TTLL11: variants seen among roughly 807,000 people sequenced by gnomAD.
TTLL11 encodes tubulin tyrosine ligase like 11, also known as tubulin polyglutamylase TTLL11.
TTLL11 carries 42 observed loss-of-function variants against 51.7 expected under a neutral mutation model. That is an observed-to-expected ratio of 0.81 (90% CI 0.64 to 1.05). TTLL11 has a LOEUF of 1.05. Ranked by LOEUF, TTLL11 falls within the 50% of genes least tolerant of loss-of-function variation. TTLL11 has a pLI of 0.00. For missense variants in TTLL11, 799 were observed against 940.4 expected, an observed-to-expected ratio of 0.85 and a Z score of 1.97; for synonymous variants, 381 against 383.5, an observed-to-expected ratio of 0.99 and a Z score of 0.08.
chr9:121,886,552 A>AG (rs1226243448), intron 6 of TTLL11, among the ~76,000 whole-genome samples: 1 of 152,160 alleles, frequency 6.6e-6, no homozygotes, highest in Non-Finnish European at 1.5e-5. Flanking sequence ...AGAGCTTTGG[A>AG]GGGGGCATGG....
Position 122,093,065 on chromosome 9 carries a change from AGCTTTGGCCGCC to A in TTLL11, c.72_83del (p.Ala25_Ala28del), listed in dbSNP as rs1300181622. The A allele has an allele frequency of 1.4e-5, 18 of 1,276,814 alleles. 1 individual carries two copies. In the East Asian group the frequency reaches 2.2e-4, roughly 15 times the overall value. 79.1% of individuals were successfully genotyped at this position (1,276,814 alleles called of 1,614,324 possible). On this transcript the variant is annotated inframe_deletion, in exon 1 of 9. Transcript: ENST00000321582. ...CCGTCTCCGCTGTGGCCTCGGCCTC[AGCTTTGGCCGCC>A]GCTTTGGCCGCAGCCACCGCCTCCG...
chr9:121,939,906 G>C (rs1456904513), intron 6 of TTLL11, among the ~76,000 whole-genome samples: 1 of 152,144 alleles, frequency 6.6e-6, no homozygotes, highest in African/African-American at 2.4e-5. Context: ...AGAGGATGAA[G>C]GCAGCAGAAG....
rs148943367 is a variant in TTLL11, at chr9:121,854,602, G to A, written c.1840+5735C>T. ...TGCCCAGCTCAAATGTTACCTTTGC[G>A]AGTAAAATGTTTGTCTCTCACAGCT... is the stretch of plus-strand genomic sequence containing the variant. On this transcript the variant is annotated intron_variant, in intron 8 of 8. Coordinates refer to ENST00000321582, the MANE Select transcript of TTLL11 (RefSeq NM_001139442.2). Among the ~76,000 whole-genome samples the A allele has an allele frequency of 3.1e-3, 477 of 152,274 alleles. 3 individuals are homozygous for A. The highest frequency in any genetic ancestry group is 0.011 in the African/African-American group (438 of 41,560).
At chr9:121,911,203 C>T (rs1840102882) in intron 6 of TTLL11, among the ~76,000 whole-genome samples, 1 of 152,138 alleles carries the variant, frequency 6.6e-6, no homozygotes, top group Non-Finnish European at 1.5e-5. Flanking sequence ...CGAGACCAGC[C>T]TGGCCAACAC....
Position 122,092,659 on chromosome 9 carries a change from C to A in TTLL11, c.462+28G>T, listed in dbSNP as rs547611124. ...GTCGTCCTGTCCACCCCACTGTGCC[C>A]ACGCGGCCGGGTCGGGCCGGGCCTC... On this transcript the variant is annotated intron_variant, in intron 1 of 8. Coordinates refer to ENST00000321582, the MANE Select transcript of TTLL11 (RefSeq NM_001139442.2). The A allele has an allele frequency of 2.0e-6, 3 of 1,535,946 alleles. No individual in the cohort carries two copies. In the East Asian group the frequency reaches 7.3e-5, roughly 38 times the overall value.
chr9:121,871,163 T>C (rs1838343451), intron 6 of TTLL11, among the ~76,000 whole-genome samples: 1 of 151,800 alleles, frequency 6.6e-6, no homozygotes, highest in Non-Finnish European at 1.5e-5. Context: ...ACGAACAATT[T>C]GCAAAGATGC....
At position 122,015,890 on chromosome 9, in the gene TTLL11, C is replaced by T. The variant is rs184580868; in HGVS notation, c.693+15833G>A. Reference sequence around the variant, plus strand: ...TCAATTTGGCAAATATATTTGAGTTCCTACTGTGTGCCAGGCACTGTGATA... The same window carrying T: ...TCAATTTGGCAAATATATTTGAGTTTCTACTGTGTGCCAGGCACTGTGATA... On this transcript the variant is annotated intron_variant, in intron 3 of 8. Coordinates refer to ENST00000321582, the MANE Select transcript of TTLL11 (RefSeq NM_001139442.2). 4.0e-5 allele frequency among the ~76,000 whole-genome samples: 6 copies of T among 151,694 alleles called. No homozygotes were observed. In the East Asian group the frequency reaches 1.2e-3, roughly 29 times the overall value.
chr9:122,041,064 T>A (rs754178472), intron 1 of TTLL11, among the ~76,000 whole-genome samples: 1 of 152,184 alleles, frequency 6.6e-6, no homozygotes, highest in Non-Finnish European at 1.5e-5. Flanking sequence ...GACTCTTATC[T>A]CCTTTTTCAT....
At chr9:121,972,420 C>CT (rs931351214) in intron 6 of TTLL11, among the ~76,000 whole-genome samples, 4 of 152,336 alleles carry the variant, frequency 2.6e-5, no homozygotes, top group African/African-American at 7.2e-5. Context: ...CATTATTTGG[C>CT]TGCCATCGGG....
chr9:121,993,666 T>C (rs1047029186), intron 3 of TTLL11, among the ~76,000 whole-genome samples: 14 of 152,248 alleles, frequency 9.2e-5, no homozygotes, highest in Non-Finnish European at 1.2e-4. Context: ...GGAGGAGATT[T>C]GGGTCTGAGA....
chr9:122,092,607 G>C, intron 1 of TTLL11, 80 bp downstream of exon 1: 1 of 1,523,254 alleles, frequency 6.6e-7, no homozygotes. Context: ...CCGCCGACCT[G>C]ACCTGGGCCG....
Position 121,870,492 on chromosome 9 carries a change from C to T in TTLL11, c.1733+5G>A. 6.4e-7 allele frequency: 1 copy of T among 1,550,974 alleles called. No individual in the cohort carries two copies. The highest frequency in any genetic ancestry group is 1.2e-5 in the South Asian group (1 of 83,902). On this transcript the variant is annotated splice_donor_5th_base_variant and intron_variant, in intron 7 of 8. Coordinates refer to ENST00000321582, the MANE Select transcript of TTLL11 (RefSeq NM_001139442.2). ...CCCAAGCCAGAGGGGGCTGTTCTCACTGACCTTATGAAGGTACGAAAGCCT... is the reference window on the plus strand; with the variant it reads ...CCCAAGCCAGAGGGGGCTGTTCTCATTGACCTTATGAAGGTACGAAAGCCT...
intron 6 of TTLL11, among the ~76,000 whole-genome samples, chr9:121,957,423 C>T (rs903496466): frequency 2.0e-5 from 3 of 152,210 alleles, no homozygotes; most frequent in Admixed American, 6.5e-5. Context: ...CTTTGTACCC[C>T]GCTCTGAGCC....
Position 121,977,671 on chromosome 9 carries a change from ATTTAAT to A in TTLL11, c.1270-2698_1270-2693del, listed in dbSNP as rs1418654301. On this transcript the variant is annotated intron_variant, in intron 4 of 8. Transcript: ENST00000321582. ...TCAGAAAATATTTATTTTTAATTTA[ATTTAAT>A]TTTTTTTTTTTTTTGAGACAGAGTT... Among the ~76,000 whole-genome samples the A allele has an allele frequency of 1.7e-4, 18 of 103,524 alleles. No individual in the cohort carries two copies. The East Asian group carries it at 3.4e-3, about 20-fold the overall frequency. 67.9% of individuals were successfully genotyped at this position (103,524 alleles called of 152,430 possible).
intron 2 of TTLL11, among the ~76,000 whole-genome samples, chr9:122,034,733 T>C (rs1844653055): frequency 6.6e-6 from 1 of 151,700 alleles, no homozygotes; most frequent in South Asian, 2.1e-4. Flanking sequence ...CGTAGCAGGG[T>C]TTCTAGCTGA....
At chr9:122,060,424 A>G (rs10985513) in intron 1 of TTLL11, among the ~76,000 whole-genome samples, 13,583 of 152,222 alleles carry the variant, frequency 0.089, 859 homozygotes, top group African/African-American at 0.15. Flanking sequence ...GAGGAATATA[A>G]GGGTTAGAGA....
chr9:121,961,460 A>G (rs538936032), intron 6 of TTLL11, among the ~76,000 whole-genome samples: 1 of 151,896 alleles, frequency 6.6e-6, no homozygotes, highest in South Asian at 2.1e-4. Flanking sequence ...TCTCTGCCCT[A>G]TTTATGGTGA....
rs79207679 is a variant in TTLL11 at position 122,032,775 on chromosome 9, T to C, written c.560-919A>G. On this transcript the variant is annotated intron_variant, in intron 2 of 8. Transcript: ENST00000321582. ...AATAGGTAAAAATTATTATCAATTT[T>C]AGCATGTTTATTTCATTTTTTCTTT... 1.2e-3 allele frequency among the ~76,000 whole-genome samples: 184 copies of C among 151,856 alleles called. 1 individual carries two copies. In the East Asian group the frequency reaches 0.012, roughly 10 times the overall value.
chr9:121,931,944 C>A (rs1841001427), intron 6 of TTLL11, among the ~76,000 whole-genome samples: 1 of 152,180 alleles, frequency 6.6e-6, no homozygotes, highest in African/African-American at 2.4e-5. Context: ...TAGCGTTGGA[C>A]CTCATAATTC....
Sources: gnomAD v4.1 joint callset for allele counts (sites outside exome capture counted in the v4.1 genomes callset) on GRCh38, gnomAD v4.1.1 for gene constraint, MANE v1.5 for transcripts, NCBI Gene and HGNC (gene_info 2026-07-23, HGNC 2026-07-21) for gene names.